XRCC4: variants seen among roughly 807,000 people sequenced by gnomAD.
The protein encoded by XRCC4 is DNA repair protein XRCC4.
Under a neutral mutation model 39.1 loss-of-function variants are expected in XRCC4, and 28 were observed. That is an observed-to-expected ratio of 0.72 (90% CI 0.53 to 0.98). The LOEUF is 0.98. XRCC4 is among the 50% of genes least tolerant of loss of function. The pLI is 0.00. For synonymous variants in XRCC4, 123 were observed against 126.4 expected (o/e 0.97, Z 0.18); for missense variants, 350 against 376.4 (o/e 0.93, Z 0.58).
chr5:83,114,276 C>A (rs150113837), intron 3 of XRCC4, among the ~76,000 whole-genome samples: 15 of 152,312 alleles, frequency 9.8e-5, no homozygotes, highest in African/African-American at 3.6e-4. Context: ...TAACATTTGG[C>A]TCCTTATTAC....
chr5:83,263,157 C>A (rs1287582379), intron 7 of XRCC4, among the ~76,000 whole-genome samples: 1 of 149,874 alleles, frequency 6.7e-6, no homozygotes, highest in African/African-American at 2.5e-5. Flanking sequence ...ATCCATGTCC[C>A]TACAAAGGAC....
chr5:83,129,364 T>A (rs570962224), intron 3 of XRCC4, among the ~76,000 whole-genome samples: 29 of 151,990 alleles, frequency 1.9e-4, no homozygotes, highest in African/African-American at 7.0e-4. Context: ...TACCATGCTG[T>A]TTTGGTTACT....
At chr5:83,091,918 G>GT (rs1745446285) in intron 1 of XRCC4, among the ~76,000 whole-genome samples, 2 of 152,112 alleles carry the variant, frequency 1.3e-5, no homozygotes, top group African/African-American at 4.8e-5. Flanking sequence ...TCTATTTTTA[G>GT]TTTTTTGAGG....
At chr5:83,203,810 A>G (rs1751311320) in intron 5 of XRCC4, 103 bp downstream of exon 5, 1 of 1,385,172 alleles carries the variant, frequency 7.2e-7, no homozygotes. Context: ...ATCATATGAG[A>G]TAATTTGGTA....
chr5:83,231,749 C>T (rs1752503471), intron 6 of XRCC4, among the ~76,000 whole-genome samples: 1 of 152,062 alleles, frequency 6.6e-6, no homozygotes, highest in Non-Finnish European at 1.5e-5. Context: ...TTGTCTCCAA[C>T]CTTCATAACA....
At chr5:83,192,320 T>TATATTTTC (rs1491573550) in intron 3 of XRCC4, among the ~76,000 whole-genome samples, 1 of 43,322 alleles carries the variant, frequency 2.3e-5, no homozygotes, top group Non-Finnish European at 5.1e-5. Flanking sequence ...TATATATATA[T>TATATTTTC]TTTTTTGAGA....
At position 83,103,410 on chromosome 5, in the gene XRCC4, C is replaced by T. The variant is rs139088584; in HGVS notation, c.-10-1500C>T. ...TTGTATGAAGTAAAAAATTGGCTAA[C>T]ATGAAAACCATGGAAAATGTTTGCA... is the stretch of plus-strand genomic sequence containing the variant. On this transcript the variant is annotated intron_variant, in intron 1 of 7. Coordinates refer to ENST00000396027, the MANE Select transcript of XRCC4 (RefSeq NM_003401.5). Among the ~76,000 whole-genome samples the T allele has an allele frequency of 8.7e-4, 132 of 152,182 alleles. 1 individual carries two copies. Among genetic ancestry groups the T allele is most frequent in the Admixed American group, 1.5e-3 (23 of 15,274 alleles).
In XRCC4 at chr5:83,163,649, A is replaced by T. The variant is rs79291053; in HGVS notation, c.316-32121A>T. On this transcript the variant is annotated intron_variant, in intron 3 of 7. Transcript: ENST00000396027. ...CAACTCCTACGAGTCTATGACAGGG[A>T]ATTGTCTGGAATTGTATATAGCTAT... Among the ~76,000 whole-genome samples the T allele has an allele frequency of 2.5e-3, 383 of 152,280 alleles. 8 individuals carry two copies. The East Asian group carries it at 0.048, about 19-fold the overall frequency.
At chr5:83,081,605 G>C (rs1054844059) in intron 1 of XRCC4, among the ~76,000 whole-genome samples, 1 of 152,160 alleles carries the variant, frequency 6.6e-6, no homozygotes, top group Non-Finnish European at 1.5e-5. Context: ...TTTACTATCT[G>C]TGTGTATCCT....
At chr5:83,331,579 C>A (rs1280066629) in intron 7 of XRCC4, among the ~76,000 whole-genome samples, 2 of 152,002 alleles carry the variant, frequency 1.3e-5, no homozygotes, top group Non-Finnish European at 2.9e-5. Flanking sequence ...GGAGTCAGTG[C>A]AAACATTTAA....
chr5:83,202,820 A>G (rs1268830610), intron 4 of XRCC4, among the ~76,000 whole-genome samples: 1 of 152,200 alleles, frequency 6.6e-6, no homozygotes, highest in African/African-American at 2.4e-5. Context: ...CTTTCTTTAT[A>G]TATCTCTTGG....
downstream of XRCC4, among the ~76,000 whole-genome samples, chr5:83,357,658 C>T (rs868736058): frequency 3.3e-5 from 5 of 152,254 alleles, 1 homozygote. Context: ...CAGTGAGCGA[C>T]GTTATGTCAA....
intron 7 of XRCC4, among the ~76,000 whole-genome samples, chr5:83,270,770 T>A (rs867475660): frequency 6.6e-5 from 8 of 122,126 alleles, no homozygotes; most frequent in East Asian, 2.3e-4. Flanking sequence ...AAAAAAAAAA[T>A]ATATACATAT....
chr5:83,164,813 T>G (rs914751688), intron 3 of XRCC4, among the ~76,000 whole-genome samples: 1 of 152,150 alleles, frequency 6.6e-6, no homozygotes, highest in Non-Finnish European at 1.5e-5. Flanking sequence ...AGGGTACATC[T>G]GTGAATCACA....
chr5:83,174,860 T>C (rs1231525051), intron 3 of XRCC4, among the ~76,000 whole-genome samples: 1 of 151,836 alleles, frequency 6.6e-6, no homozygotes, highest in Non-Finnish European at 1.5e-5. Flanking sequence ...AAGTTAAAAA[T>C]TCATGGTGTG....
rs1365894973 is a variant in XRCC4, at chr5:83,284,065, A to C, written c.893+25388A>C. Among the ~76,000 whole-genome samples the C allele has an allele frequency of 5.3e-4, 80 of 150,672 alleles. 1 individual carries two copies. The highest frequency in any genetic ancestry group is 4.0e-3 in the Admixed American group (60 of 15,134). On this transcript the variant is annotated intron_variant, in intron 7 of 7. Transcript: ENST00000396027. ...ACCAACCCAGAGCAAAAAAAAAAAA[A>C]AAAAAAAAAAAAACGAATAATTCAT...
chr5:83,232,963 AC>A (rs1561421044), intron 6 of XRCC4, among the ~76,000 whole-genome samples: 3 of 152,174 alleles, frequency 2.0e-5, no homozygotes, highest in South Asian at 4.1e-4. Flanking sequence ...CCCATTTATG[AC>A]TGACAAAAAA....
chr5:83,228,239 ATAAAG>A (rs766905589), intron 6 of XRCC4, among the ~76,000 whole-genome samples: 19 of 152,204 alleles, frequency 1.2e-4, no homozygotes, highest in Middle Eastern at 3.4e-3. Flanking sequence ...AATCTTTACA[ATAAAG>A]TAAATTCATT....
At chr5:83,211,502 C>T (rs905193223) in intron 6 of XRCC4, among the ~76,000 whole-genome samples, 2 of 152,156 alleles carry the variant, frequency 1.3e-5, no homozygotes, top group Non-Finnish European at 2.9e-5. Context: ...GCAGTAGAGA[C>T]TGAAGAGAGG....
Sources: gnomAD v4.1 joint callset for allele counts (sites outside exome capture counted in the v4.1 genomes callset) on GRCh38, gnomAD v4.1.1 for gene constraint, MANE v1.5 for transcripts, NCBI Gene and HGNC (gene_info 2026-07-23, HGNC 2026-07-21) for gene names.